The following GABPB1 variants were observed in gnomAD, a reference collection of about 807,000 sequenced individuals.
The protein encoded by GABPB1 is GA binding protein transcription factor subunit beta 1.
Under a neutral mutation model 45.9 loss-of-function variants are expected in GABPB1, and 15 were observed. The ratio of observed to expected loss-of-function variants is 0.33; its 90% confidence interval spans 0.22 to 0.50. The LOEUF (loss-of-function observed/expected upper bound fraction) is 0.50, where lower values mean the gene tolerates loss of function less well. Ranked by LOEUF, GABPB1 falls within the 20% of genes least tolerant of loss-of-function variation. GABPB1 has a pLI of 0.98. For missense variants in GABPB1, 252 were observed against 457.5 expected (o/e 0.55, Z 4.10); for synonymous variants, 143 against 154.4 (o/e 0.93, Z 0.55).
At chr15:50,285,303 T>A (rs2046116167) in intron 8 of GABPB1, among the ~76,000 whole-genome samples, 1 of 152,162 alleles carries the variant, frequency 6.6e-6, no homozygotes. Flanking sequence ...CTCAGAAAGA[T>A]AAGATTCCTT....
intron 6 of GABPB1, 145 bp from the exon 7 acceptor site, chr15:50,289,813 C>T (rs1031107275): frequency 6.5e-6 from 4 of 617,630 alleles, no homozygotes; most frequent in Admixed American, 6.3e-5. Context: ...CACTCTGATG[C>T]CCAGGCTGGA....
rs1307680571 is a variant in GABPB1, at chr15:50,306,041, C to T, written c.109-1908G>A. On this transcript the variant is annotated intron_variant, in intron 2 of 8. Coordinates refer to ENST00000380877, the MANE Select transcript of GABPB1 (RefSeq NM_016654.5). The stretch of plus-strand genomic sequence containing the variant: ...CCAGGCTAGAATGCAGTGGAGCTAT[C>T]GTAGCTCACTGTAACCTCTAACTCC... 3.3e-5 allele frequency among the ~76,000 whole-genome samples: 5 copies of T among 152,070 alleles called. No individual in the cohort carries two copies. In the South Asian group the frequency reaches 8.3e-4, roughly 25 times the overall value.
In GABPB1 at chr15:50,304,147, A is replaced by AG; in HGVS notation, c.109-15_109-14insC. 6.4e-7 allele frequency: 1 copy of AG among 1,553,830 alleles called. No individual in the cohort carries two copies. The highest frequency in any genetic ancestry group is 8.7e-7 in the Non-Finnish European group (1 of 1,155,084). ...AGAAGTTCCCAGCTGTACCACAGAA[A>AG]AAAAAAAAAATCCACATTTACATTA... On this transcript the variant is annotated splice_polypyrimidine_tract_variant and intron_variant, in intron 2 of 8. Coordinates refer to ENST00000380877, the MANE Select transcript of GABPB1 (RefSeq NM_016654.5).
At chr15:50,283,284 C>A (rs528695803) in intron 8 of GABPB1, among the ~76,000 whole-genome samples, 4 of 151,410 alleles carry the variant, frequency 2.6e-5, no homozygotes, top group South Asian at 2.1e-4. Context: ...ATCTTCAATG[C>A]GGTAATAAAT....
chr15:50,337,787 G>T (rs1416589218), intron 1 of GABPB1, among the ~76,000 whole-genome samples: 1 of 151,924 alleles, frequency 6.6e-6, no homozygotes, highest in African/African-American at 2.4e-5. Flanking sequence ...GAAAAAAAAA[G>T]AATTACTTAG....
chr15:50,289,315 G>C (rs911541766), intron 7 of GABPB1, among the ~76,000 whole-genome samples, 168 bp downstream of exon 7: 5 of 151,346 alleles, frequency 3.3e-5, no homozygotes, highest in African/African-American at 1.2e-4. Flanking sequence ...TATTGCAAAG[G>C]GTTATACAAA....
chr15:50,289,611 A>G lies in GABPB1; in HGVS notation c.755T>C (p.Val252Ala). The G allele has an allele frequency of 6.2e-7, 1 of 1,613,198 alleles. No homozygotes were observed. The highest frequency in any genetic ancestry group is 8.5e-7 in the Non-Finnish European group (1 of 1,179,716). The change falls in exon 7 of 9, where the codon GTA (valine) becomes GCA (alanine). Residue 252 changes from valine (V) to alanine (A), a missense_variant. Physicochemically the swap from Val to Ala is moderately conservative, Grantham distance 64. Around this residue, in one of 4 missense-constraint regions of GABPB1, gnomAD observed 193 missense variants for 259.9 expected, o/e 0.74. Coordinates refer to ENST00000380877, the MANE Select transcript of GABPB1 (RefSeq NM_016654.5). ...AESVDGAIQQ[V>A]VSSGGQQVIT... ...GACTTGCTGACCCCCTGAACTAACT[A>G]CTTGCTGAATGGCACCATCCACAGA...
intron 1 of GABPB1, chr15:50,351,975 G>C (rs2048850675): frequency 6.6e-6 from 1 of 152,218 alleles, no homozygotes; most frequent in Admixed American, 6.5e-5. Context: ...GGGGAGCAGA[G>C]GGATGACACT....
intron 1 of GABPB1, among the ~76,000 whole-genome samples, chr15:50,314,245 G>A (rs528516935): frequency 6.6e-5 from 10 of 151,884 alleles, no homozygotes; most frequent in Admixed American, 2.0e-4. Flanking sequence ...GTGCAGTGGC[G>A]TGATCTCGGC....
intron 1 of GABPB1, among the ~76,000 whole-genome samples, chr15:50,317,683 G>A (rs537624324): frequency 6.6e-5 from 10 of 152,252 alleles, no homozygotes; most frequent in African/African-American, 2.4e-4. Flanking sequence ...GCCGAGGCGG[G>A]TGGATCACGA....
At chr15:50,317,104 A>C (rs1356664154) in intron 1 of GABPB1, among the ~76,000 whole-genome samples, 1 of 152,154 alleles carries the variant, frequency 6.6e-6, no homozygotes, top group Non-Finnish European at 1.5e-5. Context: ...CTTAATAGAA[A>C]AACACTTGGA....
chr15:50,290,957 TAGA>T (rs1053093715), intron 6 of GABPB1, among the ~76,000 whole-genome samples: 16 of 152,196 alleles, frequency 1.1e-4, no homozygotes, highest in African/African-American at 3.6e-4. Flanking sequence ...AAAAGACATG[TAGA>T]AGAATATACA....
chr15:50,278,220 G>A lies in GABPB1; in HGVS notation c.*412C>T, dbSNP rs1169383139. On this transcript the variant is annotated 3_prime_UTR_variant, in exon 9 of 9. Coordinates refer to ENST00000380877, the MANE Select transcript of GABPB1 (RefSeq NM_016654.5). ...CATACAGAGGTTTATACCTACAGGA[G>A]TAATTCCAGCATCAGTCCACCATAA... 6.5e-6 allele frequency: 1 copy of A among 153,434 alleles called. No homozygotes were observed. The highest frequency in any genetic ancestry group is 2.4e-5 in the African/African-American group (1 of 41,462). 9.5% of individuals were successfully genotyped at this position (153,434 alleles called of 1,614,324 possible).
At position 50,277,063 on chromosome 15, in the gene GABPB1, C is replaced by A. The variant is rs964641207; in HGVS notation, c.*1569G>T. 1 of 152,080 alleles carries A rather than the reference C, an allele frequency of 6.6e-6. No individual in the cohort carries two copies. The highest frequency in any genetic ancestry group is 2.4e-5 in the African/African-American group (1 of 41,390). The allele number at this position is 152,080 out of a possible 1,614,324, so 9.4% of individuals were successfully genotyped here. A position where few individuals can be genotyped will look rare whatever the true frequency, so the allele number is the denominator to read the frequency against. On this transcript the variant is annotated 3_prime_UTR_variant, in exon 9 of 9. Transcript: ENST00000380877. ...ACCATCAGGCTGACAGACCATAGAC[C>A]CCTTTATTACATTAACAAATATACT...
intron 2 of GABPB1, among the ~76,000 whole-genome samples, chr15:50,307,525 A>T (rs576118188): frequency 6.6e-6 from 1 of 151,468 alleles, no homozygotes; most frequent in Middle Eastern, 3.4e-3. Flanking sequence ...ACATATTGAA[A>T]CCCCATCTCT....
chr15:50,351,898 G>A (rs1168660246), intron 1 of GABPB1: 1 of 152,152 alleles, frequency 6.6e-6, no homozygotes, highest in Admixed American at 6.6e-5. Flanking sequence ...TCCCAATGTA[G>A]GCACATCAGA....
chr15:50,347,217 G>A (rs544158228), intron 1 of GABPB1, among the ~76,000 whole-genome samples: 1 of 152,050 alleles, frequency 6.6e-6, no homozygotes, highest in Admixed American at 6.6e-5. Flanking sequence ...GAATTATGGG[G>A]AGACACAAGC....
At chr15:50,297,250 T>C (rs1383824866) in intron 6 of GABPB1, among the ~76,000 whole-genome samples, 1 of 149,958 alleles carries the variant, frequency 6.7e-6, no homozygotes, top group Non-Finnish European at 1.5e-5. Context: ...TCTTGCTCTG[T>C]CACCCAGGCT....
chr15:50,345,605 T>C (rs1046732926), intron 1 of GABPB1, among the ~76,000 whole-genome samples: 1 of 152,220 alleles, frequency 6.6e-6, no homozygotes, highest in Non-Finnish European at 1.5e-5. Context: ...ATTCAATTCT[T>C]AAAATTTTTG....
Sources: allele counts gnomAD v4.1 joint callset (sites outside exome capture counted in the v4.1 genomes callset), GRCh38; gene constraint gnomAD v4.1.1; regional missense constraint gnomAD v4.1.1; transcripts MANE v1.5; gene names NCBI Gene and HGNC (gene_info 2026-07-23, HGNC 2026-07-21).